Variants in CDH13 observed in about 807,000 individuals in gnomAD.
CDH13 encodes the protein cadherin 13.
CDH13 carries 24 observed loss-of-function variants against 63.8 expected under a neutral mutation model. That is an observed-to-expected ratio of 0.38 (90% CI 0.27 to 0.53). The LOEUF is 0.53. Among genes scored for constraint, CDH13 ranks in the 20% least tolerant of loss-of-function variants. CDH13 has a pLI of 0.85. For synonymous variants in CDH13, 503 were observed against 355.3 expected, an observed-to-expected ratio of 1.42 and a Z score of -4.67; for missense variants, 1,049 against 903.1, an observed-to-expected ratio of 1.16 and a Z score of -2.07.
chr16:83,191,138 T>C (rs1381857330), intron 4 of CDH13, among the ~76,000 whole-genome samples: 1 of 150,208 alleles, frequency 6.7e-6, no homozygotes, highest in Non-Finnish European at 1.5e-5. Flanking sequence ...GTTGTTGTTA[T>C]TGTTGTTGTT....
chr16:83,302,615 C>G (rs187036538), intron 5 of CDH13, among the ~76,000 whole-genome samples: 32 of 152,186 alleles, frequency 2.1e-4, no homozygotes, highest in African/African-American at 7.2e-4. Context: ...TGATATTTAC[C>G]AGGAATTAGG....
intron 5 of CDH13, among the ~76,000 whole-genome samples, chr16:83,335,767 A>G (rs769724123): frequency 6.6e-6 from 1 of 152,102 alleles, no homozygotes; most frequent in Non-Finnish European, 1.5e-5. Context: ...TTACCGGTGC[A>G]TGCAGACCCC....
intron 6 of CDH13, among the ~76,000 whole-genome samples, chr16:83,423,355 C>A (rs971287722): frequency 2.0e-5 from 3 of 152,096 alleles, no homozygotes; most frequent in Non-Finnish European, 4.4e-5. Context: ...AGAAAAAAAG[C>A]CTAAAGCCAC....
At chr16:83,405,955 G>A (rs1049434747) in intron 6 of CDH13, among the ~76,000 whole-genome samples, 1 of 152,198 alleles carries the variant, frequency 6.6e-6, no homozygotes, top group Non-Finnish European at 1.5e-5. Context: ...TGATGTCCTT[G>A]AGCCACATGC....
At chr16:83,012,755 G>A (rs924101583) in intron 2 of CDH13, among the ~76,000 whole-genome samples, 4 of 152,036 alleles carry the variant, frequency 2.6e-5, no homozygotes, top group Non-Finnish European at 5.9e-5. Context: ...TGGCACTTCA[G>A]GGTATATTTA....
intron 4 of CDH13, among the ~76,000 whole-genome samples, chr16:83,156,059 G>C (rs1225898368): frequency 6.6e-6 from 1 of 152,198 alleles, no homozygotes; most frequent in Non-Finnish European, 1.5e-5. Flanking sequence ...GGGTCTGAAG[G>C]CTGGGCAGGA....
intron 11 of CDH13, among the ~76,000 whole-genome samples, chr16:83,761,218 T>C (rs573434638): frequency 6.6e-6 from 1 of 152,308 alleles, no homozygotes; most frequent in Non-Finnish European, 1.5e-5. Flanking sequence ...TTTGGACCTA[T>C]TTGCTTGGGG....
intron 6 of CDH13, among the ~76,000 whole-genome samples, chr16:83,408,352 T>C (rs2092077791): frequency 6.6e-6 from 1 of 152,214 alleles, no homozygotes; most frequent in African/African-American, 2.4e-5. Flanking sequence ...CATTAGATGA[T>C]TTGTCATTGT....
chr16:83,666,046 C>T lies in CDH13; in HGVS notation c.1102-4744C>T, dbSNP rs148287412. On this transcript the variant is annotated intron_variant, in intron 8 of 13. Coordinates refer to ENST00000567109, the MANE Select transcript of CDH13 (RefSeq NM_001257.5). ...AGGCCACAGTGATTGTGTAAAAATACGTTTTATATCTTGTATTTGATTTGC... is the reference window on the plus strand; with the variant it reads ...AGGCCACAGTGATTGTGTAAAAATATGTTTTATATCTTGTATTTGATTTGC... Among the ~76,000 whole-genome samples the T allele has an allele frequency of 3.3e-3, 508 of 152,236 alleles. 6 individuals are homozygous for T. Among genetic ancestry groups the T allele is most frequent in the African/African-American group, 0.012 (489 of 41,544 alleles).
chr16:82,647,554 CAG>C (rs1268981165), intron 1 of CDH13, among the ~76,000 whole-genome samples: 10 of 152,122 alleles, frequency 6.6e-5, no homozygotes, highest in African/African-American at 2.4e-4. Flanking sequence ...CTTTGAGAAT[CAG>C]TGTGGAATAC....
At chr16:83,096,347 C>T (rs1027761774) in intron 3 of CDH13, among the ~76,000 whole-genome samples, 6 of 152,180 alleles carry the variant, frequency 3.9e-5, no homozygotes, top group African/African-American at 1.4e-4. Flanking sequence ...AGAGAGAAGG[C>T]TCAGTCAAGG....
intron 1 of CDH13, chr16:82,705,115 T>C: frequency 2.2e-6 from 1 of 455,876 alleles, no homozygotes; most frequent in Non-Finnish European, 4.4e-6. Context: ...TTATCAAAAA[T>C]AAAGCCCGAG....
intron 6 of CDH13, among the ~76,000 whole-genome samples, chr16:83,417,372 C>G (rs1466848898): frequency 1.3e-5 from 2 of 152,162 alleles, no homozygotes; most frequent in East Asian, 3.9e-4. Context: ...GCAAATGCTG[C>G]ACCCAGAATC....
chr16:82,627,290 C>G (rs896619065), intron 1 of CDH13, 153 bp downstream of exon 1: 6 of 691,776 alleles, frequency 8.7e-6, no homozygotes, highest in Admixed American at 6.6e-5. Context: ...CATTCCGAGC[C>G]CAGAGATCCT....
chr16:83,687,029 G>C (rs192216350), intron 10 of CDH13, among the ~76,000 whole-genome samples: 2 of 152,246 alleles, frequency 1.3e-5, no homozygotes. Context: ...GACCAACATG[G>C]TGAAACCCCA....
chr16:83,213,912 T>C (rs559910970), intron 4 of CDH13, among the ~76,000 whole-genome samples: 1 of 152,216 alleles, frequency 6.6e-6, no homozygotes, highest in East Asian at 1.9e-4. Flanking sequence ...CAATCAGTGC[T>C]CTGTAAAAAC....
At chr16:82,792,366 G>A (rs1299049015) in intron 1 of CDH13, among the ~76,000 whole-genome samples, 4 of 152,120 alleles carry the variant, frequency 2.6e-5, no homozygotes, top group Non-Finnish European at 4.4e-5. Context: ...ATATTTGTGC[G>A]TGGGTGTGTG....
At chr16:83,221,062 G>A (rs976061780) in intron 5 of CDH13, among the ~76,000 whole-genome samples, 2 of 152,184 alleles carry the variant, frequency 1.3e-5, no homozygotes, top group Non-Finnish European at 2.9e-5. Context: ...CTCACAGCTG[G>A]CATGTATTGG....
chr16:83,383,912 C>T (rs34469329), intron 6 of CDH13, among the ~76,000 whole-genome samples: 14 of 151,996 alleles, frequency 9.2e-5, no homozygotes, highest in African/African-American at 2.9e-4. Context: ...GCTGCTAGGT[C>T]CTTTCAGCAG....
Sources: gnomAD v4.1 joint callset for allele counts (sites outside exome capture counted in the v4.1 genomes callset) on GRCh38, gnomAD v4.1.1 for gene constraint, MANE v1.5 for transcripts, NCBI Gene and HGNC (gene_info 2026-07-23, HGNC 2026-07-21) for gene names.